Variants in FAM83B observed in about 807,000 individuals in gnomAD.
FAM83B encodes protein FAM83B.
A neutral mutation model predicts 38.8 loss-of-function variants in FAM83B; 26 were observed. The observed-to-expected ratio is 0.67, with a 90% confidence interval of 0.49 to 0.93. The LOEUF is 0.93. Ranked by LOEUF, FAM83B falls within the 40% of genes least tolerant of loss-of-function variation. The pLI, the probability that FAM83B is intolerant of heterozygous loss-of-function variation, is 0.00. For missense variants in FAM83B, 1,237 were observed against 1,197.3 expected (o/e 1.03, Z -0.49); for synonymous variants, 419 against 423.1 (o/e 0.99, Z 0.12).
intron 4 of FAM83B, among the ~76,000 whole-genome samples, chr6:54,938,234 T>A (rs549459422): frequency 1.4e-3 from 220 of 152,310 alleles, no homozygotes; most frequent in African/African-American, 5.2e-3. Context: ...TATTCCATGG[T>A]ATATACATAC....
At chr6:54,926,888 T>A (rs1219858737) in intron 3 of FAM83B, among the ~76,000 whole-genome samples, 1 of 152,108 alleles carries the variant, frequency 6.6e-6, no homozygotes, top group South Asian at 2.1e-4. Context: ...CCCGCCACCA[T>A]GCCCAGCTAA....
intron 1 of FAM83B, among the ~76,000 whole-genome samples, chr6:54,857,088 T>A (rs913237456): frequency 5.3e-5 from 8 of 152,224 alleles, no homozygotes; most frequent in African/African-American, 1.7e-4. Context: ...AAGCTGTTCC[T>A]AACATAACTA....
chr6:54,893,165 C>T (rs955057697), intron 2 of FAM83B, among the ~76,000 whole-genome samples: 4 of 152,078 alleles, frequency 2.6e-5, no homozygotes, highest in African/African-American at 7.2e-5. Context: ...GGTTCCTCAC[C>T]CACATAAACT....
intron 2 of FAM83B, among the ~76,000 whole-genome samples, chr6:54,884,775 ATTT>A (rs34445504): frequency 2.8e-5 from 4 of 141,582 alleles, no homozygotes; most frequent in Admixed American, 7.1e-5. Context: ...GTCCTCCAGT[ATTT>A]TTTTTTTTTT....
intron 4 of FAM83B, among the ~76,000 whole-genome samples, 168 bp downstream of exon 4, chr6:54,927,800 T>G (rs1773337177): frequency 6.8e-6 from 1 of 147,574 alleles, no homozygotes; most frequent in African/African-American, 2.5e-5. Context: ...GAGTCATGAG[T>G]CTGCCACTAA....
At chr6:54,913,283 C>T (rs1341250986) in intron 2 of FAM83B, among the ~76,000 whole-genome samples, 1 of 152,080 alleles carries the variant, frequency 6.6e-6, no homozygotes, top group Non-Finnish European at 1.5e-5. Flanking sequence ...TACATGTGGA[C>T]TATCAGTTTC....
chr6:54,885,884 G>A (rs942241059), intron 2 of FAM83B, among the ~76,000 whole-genome samples: 4 of 151,650 alleles, frequency 2.6e-5, no homozygotes, highest in African/African-American at 4.9e-5. Flanking sequence ...GAGTTAATGG[G>A]TGCAGCACAC....
chr6:54,898,764 C>G (rs1301652878), intron 2 of FAM83B, among the ~76,000 whole-genome samples: 1 of 152,178 alleles, frequency 6.6e-6, no homozygotes, highest in Non-Finnish European at 1.5e-5. Context: ...CTATCACCAG[C>G]ATATATCAAA....
chr6:54,934,625 C>T (rs934178953), intron 4 of FAM83B, among the ~76,000 whole-genome samples: 1 of 152,048 alleles, frequency 6.6e-6, no homozygotes, highest in African/African-American at 2.4e-5. Context: ...TTTTAGCTCA[C>T]CTTTATCCCA....
chr6:54,846,908 T>TG (rs148815760), intron 1 of FAM83B, 82 bp downstream of exon 1: 53,218 of 151,122 alleles, frequency 0.35, 10,033 homozygotes, highest in Non-Finnish European at 0.43. Flanking sequence ...CTTGGGGTAC[T>TG]GGGGGGGCCC....
At chr6:54,873,161 C>G (rs1409435506) in intron 2 of FAM83B, among the ~76,000 whole-genome samples, 1 of 151,960 alleles carries the variant, frequency 6.6e-6, no homozygotes, top group Non-Finnish European at 1.5e-5. Context: ...CCACACCCAG[C>G]TGTTATTTTT....
intron 4 of FAM83B, among the ~76,000 whole-genome samples, chr6:54,933,315 C>T (rs908410168): frequency 6.6e-6 from 1 of 151,310 alleles, no homozygotes; most frequent in Non-Finnish European, 1.5e-5. Flanking sequence ...TATAGTTTAT[C>T]TTTGTTGATA....
Position 54,900,628 on chromosome 6 carries a change from G to A in FAM83B, c.445-25743G>A, listed in dbSNP as rs1772641306. Among the ~76,000 whole-genome samples, 3 of 152,174 alleles carry A rather than the reference G, an allele frequency of 2.0e-5. No individual in the cohort carries two copies. In the South Asian group the frequency reaches 6.2e-4, roughly 32 times the overall value. ...TGTTGTTGACAGGGGTAAAATAAGG[G>A]AGAACAGATGTAGAAATAAGTATGT... is the stretch of plus-strand genomic sequence containing the variant. On this transcript the variant is annotated intron_variant, in intron 2 of 4. Coordinates refer to ENST00000306858, the MANE Select transcript of FAM83B (RefSeq NM_001010872.3).
Position 54,862,261 on chromosome 6 carries a change from G to A in FAM83B, c.-60-7926G>A, listed in dbSNP as rs545388988. Among the ~76,000 whole-genome samples, 19 of 152,332 alleles carry A rather than the reference G, an allele frequency of 1.2e-4. No homozygotes were observed. In the South Asian group the frequency reaches 3.9e-3, roughly 32 times the overall value. On this transcript the variant is annotated intron_variant, in intron 1 of 4. Transcript: ENST00000306858. ...AGGCCACGGGTTTTGAGAGGCTATA[G>A]ATCTATTCAGATTATATGACCAGTC...
In FAM83B at chr6:54,904,497, C is replaced by T. The variant is rs193034474; in HGVS notation, c.445-21874C>T. The stretch of plus-strand genomic sequence containing the variant: ...CACACCTCCCATTCCTTGCCCCACT[C>T]CACGGCTCTGTTTTAATATCTCTCA... On this transcript the variant is annotated intron_variant, in intron 2 of 4. Transcript: ENST00000306858. 1.6e-4 allele frequency among the ~76,000 whole-genome samples: 24 copies of T among 152,106 alleles called. No homozygotes were observed. In the East Asian group the frequency reaches 4.7e-3, roughly 30 times the overall value.
At chr6:54,872,425 T>C (rs914905534) in intron 2 of FAM83B, among the ~76,000 whole-genome samples, 3 of 152,200 alleles carry the variant, frequency 2.0e-5, no homozygotes, top group Admixed American at 2.0e-4. Context: ...CTGATTTTGT[T>C]TGGTGACATG....
chr6:54,881,301 T>C (rs1261217521), intron 2 of FAM83B, among the ~76,000 whole-genome samples: 2 of 152,212 alleles, frequency 1.3e-5, no homozygotes, highest in African/African-American at 4.8e-5. Context: ...GAGAGTCTCA[T>C]GGTAATATTC....
At chr6:54,867,600 T>A (rs1771742110) in intron 1 of FAM83B, among the ~76,000 whole-genome samples, 1 of 152,110 alleles carries the variant, frequency 6.6e-6, no homozygotes, top group Non-Finnish European at 1.5e-5. Context: ...TAATTATAAA[T>A]AAGTTTCACT....
rs761504506 is a variant in FAM83B, at chr6:54,941,676, T to C, written c.2705T>C (p.Ile902Thr). 3 of 1,613,972 alleles carry C rather than the reference T, an allele frequency of 1.9e-6. No individual in the cohort carries two copies. In the South Asian group the frequency reaches 3.3e-5, roughly 18 times the overall value. The change falls in exon 5 of 5, where the codon ATT (isoleucine) becomes ACT (threonine). Residue 902 changes from isoleucine to threonine, a missense_variant. By Grantham distance (89) the Ile-to-Thr change is moderately conservative (BLOSUM62 -1). Coordinates refer to ENST00000306858, the MANE Select transcript of FAM83B (RefSeq NM_001010872.3). ...EQIQYRDSRE[I>T]NAVVTPERRP... is the part of the protein sequence containing the mutation. ...ATCCAATACCGAGATTCAAGGGAGA[T>C]TAATGCAGTTGTTACCCCTGAAAGA...
Sources: gnomAD v4.1 joint callset for allele counts (sites outside exome capture counted in the v4.1 genomes callset) on GRCh38, gnomAD v4.1.1 for gene constraint, MANE v1.5 for transcripts, NCBI Gene and HGNC (gene_info 2026-07-23, HGNC 2026-07-21) for gene names.